MED1: variants seen among roughly 807,000 people sequenced by gnomAD.
The protein encoded by MED1 is mediator of RNA polymerase II transcription subunit 1.
In MED1, 17 loss-of-function variants were observed where a neutral mutation model predicts 121.3. The observed-to-expected ratio is 0.14, with a 90% confidence interval of 0.10 to 0.21. MED1 has a LOEUF of 0.21. MED1 is among the 10% of genes least tolerant of loss of function. MED1 has a pLI of 1.00. For synonymous variants in MED1, 661 were observed against 694.4 expected (o/e 0.95, Z 0.76); for missense variants, 1,558 against 1,919.4 (o/e 0.81, Z 3.52).
intron 6 of MED1, among the ~76,000 whole-genome samples, chr17:39,437,106 A>C (rs2048626799): frequency 2.0e-5 from 3 of 152,188 alleles, no homozygotes; most frequent in Middle Eastern, 6.8e-3. Context: ...CTAATTTTGT[A>C]TTTTTAGTAG....
rs58728643 is a variant in MED1, at chr17:39,415,756, G to A, written c.1298-417C>T. Among the ~76,000 whole-genome samples the A allele has an allele frequency of 0.014, 1,945 of 140,704 alleles. 123 individuals carry two copies. The East Asian group carries it at 0.18, about 13-fold the overall frequency. 92.3% of individuals were successfully genotyped at this position (140,704 alleles called of 152,430 possible). On this transcript the variant is annotated intron_variant, in intron 14 of 16. Coordinates refer to ENST00000300651, the MANE Select transcript of MED1 (RefSeq NM_004774.4). ...CACTTGAACCTAGGAGGCGGAGGTT[G>A]TAGTGAGCTGAGATCGTGCCACTGC... is the stretch of plus-strand genomic sequence containing the variant.
chr17:39,416,778 GA>G lies in MED1; in HGVS notation c.1298-1440del, dbSNP rs1202219158. 2.0e-5 allele frequency among the ~76,000 whole-genome samples: 3 copies of G among 152,198 alleles called. No individual in the cohort carries two copies. In the East Asian group the frequency reaches 5.8e-4, roughly 29 times the overall value. Reference sequence around the variant, plus strand: ...AGGTGGGAGGAATGCCTGAGGCCAGGAGCTCAAGACTATCCTATACAACATG... The same window carrying G: ...AGGTGGGAGGAATGCCTGAGGCCAGGGCTCAAGACTATCCTATACAACATG... On this transcript the variant is annotated intron_variant, in intron 14 of 16. Transcript: ENST00000300651.
At chr17:39,435,740 G>T (rs2048612104) in intron 6 of MED1, among the ~76,000 whole-genome samples, 1 of 151,790 alleles carries the variant, frequency 6.6e-6, no homozygotes, top group South Asian at 2.1e-4. Context: ...CTGTCGTCCA[G>T]GCTGGAGTCC....
chr17:39,434,632 T>G (rs1252993488), intron 6 of MED1, among the ~76,000 whole-genome samples: 1 of 152,190 alleles, frequency 6.6e-6, no homozygotes, highest in Non-Finnish European at 1.5e-5. Context: ...CTGATTTAAA[T>G]CAATCATTAA....
Position 39,410,246 on chromosome 17 carries a change from T to A in MED1, c.1975A>T (p.Thr659Ser). The A allele has an allele frequency of 5.0e-6, 8 of 1,613,900 alleles. No homozygotes were observed. Among genetic ancestry groups the A allele is most frequent in the Non-Finnish European group, 6.8e-6 (8 of 1,179,942 alleles). Residue 659 changes from threonine (T) to serine (S), a missense_variant, in exon 17 of 17, where the codon ACC (threonine) becomes TCC (serine). Thr to Ser is a moderately conservative substitution (Grantham distance 58, BLOSUM62 1). This residue lies in a region of MED1 where 793 missense variants were observed against 898.2 expected (regional missense o/e 0.88). Coordinates refer to ENST00000300651, the MANE Select transcript of MED1 (RefSeq NM_004774.4). ...LKDNPAQDFS[T>S]LYGSSPLERQ... is the part of the protein sequence containing the mutation. Reference sequence around the variant, plus strand: ...TCTAAAGGGCTGCTTCCATAAAGGGTTGAGAAATCCTGGGCAGGATTATCT... The same window carrying A: ...TCTAAAGGGCTGCTTCCATAAAGGGATGAGAAATCCTGGGCAGGATTATCT...
chr17:39,427,958 T>C (rs967299459), intron 9 of MED1, among the ~76,000 whole-genome samples, 168 bp from the exon 10 acceptor site: 4 of 152,186 alleles, frequency 2.6e-5, no homozygotes, highest in African/African-American at 9.6e-5. Context: ...GACTCACACC[T>C]GTAATCCTGG....
Position 39,407,083 on chromosome 17 carries a change from TC to T in MED1, c.*391del, listed in dbSNP as rs2048309242. 1.0e-6 allele frequency: 1 copy of T among 993,794 alleles called. No homozygotes were observed. The highest frequency in any genetic ancestry group is 1.7e-5 in the African/African-American group (1 of 57,408). 61.6% of individuals were successfully genotyped at this position (993,794 alleles called of 1,614,324 possible). A position where few individuals can be genotyped will look rare whatever the true frequency, so the allele number is the denominator to read the frequency against. On this transcript the variant is annotated 3_prime_UTR_variant, in exon 17 of 17. Coordinates refer to ENST00000300651, the MANE Select transcript of MED1 (RefSeq NM_004774.4). ...GCTTTTTCATTTTCTGCCCAGCCCT[TC>T]ATATACATGCACTAAAATGAGTTTA...
At chr17:39,444,878 AAAACAAAC>A (rs896199407) in intron 2 of MED1, among the ~76,000 whole-genome samples, 1 of 152,042 alleles carries the variant, frequency 6.6e-6, no homozygotes, top group African/African-American at 2.4e-5. Context: ...CAAACAAAAC[AAAACAAAC>A]AAACAAACAA....
chr17:39,433,526 A>ACT (rs1297377779), intron 7 of MED1, among the ~76,000 whole-genome samples: 1 of 134,352 alleles, frequency 7.4e-6, no homozygotes, highest in Non-Finnish European at 1.5e-5. Flanking sequence ...TTTTTTTGTT[A>ACT]CTATATATAT....
intron 6 of MED1, among the ~76,000 whole-genome samples, chr17:39,436,399 C>G (rs989746746): frequency 6.7e-6 from 1 of 149,128 alleles, no homozygotes; most frequent in Admixed American, 6.7e-5. Context: ...CTTTTGCACA[C>G]ACACATACAC....
rs2048744553 is a variant in MED1, at chr17:39,448,004, T to C, written c.26-100A>G. The stretch of plus-strand genomic sequence containing the variant: ...TTCCCACACTTCATCACAGTAAGAA[T>C]TCAGTTAAAATATTTTCCAAAATCA... On this transcript the variant is annotated intron_variant, in intron 1 of 16. Transcript: ENST00000300651. The C allele has an allele frequency of 4.0e-6, 3 of 752,186 alleles. No homozygotes were observed. The South Asian group carries it at 5.4e-5, about 13-fold the overall frequency. The allele number at this position is 752,186 out of a possible 1,614,324, so 46.6% of individuals were successfully genotyped here.
intron 2 of MED1, among the ~76,000 whole-genome samples, chr17:39,446,304 G>T (rs1041600096): frequency 4.6e-5 from 7 of 151,250 alleles, no homozygotes; most frequent in Non-Finnish European, 1.0e-4. Context: ...CAAAAAGTTA[G>T]CCGGGAATAG....
chr17:39,415,858 C>T (rs575725664), intron 14 of MED1, among the ~76,000 whole-genome samples: 146 of 148,112 alleles, frequency 9.9e-4, no homozygotes, highest in African/African-American at 3.5e-3. Context: ...GGTGTGGTGG[C>T]GCACACCTGT....
At position 39,409,186 on chromosome 17, in the gene MED1, C is replaced by A; in HGVS notation, c.3035G>T (p.Arg1012Leu). Reference sequence around the variant, plus strand: ...CTTTCCCTCAGTGTCTGCCTTCTTCCGCTTTGGAGGCTTATCTTTGCTTTT... The same window carrying A: ...CTTTCCCTCAGTGTCTGCCTTCTTCAGCTTTGGAGGCTTATCTTTGCTTTT... Reference protein sequence around the residue: ...DGKSKDKPPKRKKADTEGKSP... With the variant: ...DGKSKDKPPKLKKADTEGKSP... Residue 1012 changes from arginine (R) to leucine (L), a missense_variant, in exon 17 of 17, where the codon CGG becomes CTG. Physicochemically the swap from Arg to Leu is moderately radical, Grantham distance 102. Transcript: ENST00000300651. The A allele has an allele frequency of 1.2e-6, 2 of 1,614,112 alleles. No individual in the cohort carries two copies. Among genetic ancestry groups the A allele is most frequent in the Non-Finnish European group, 1.7e-6 (2 of 1,180,020 alleles).
rs186829481 is a variant in MED1, at chr17:39,419,841, G to C, written c.1173C>G (p.Thr391=). 33 of 1,614,098 alleles carry C rather than the reference G, an allele frequency of 2.0e-5. No homozygotes were observed. Among genetic ancestry groups the C allele is most frequent in the Non-Finnish European group, 2.8e-5 (33 of 1,179,988 alleles). The change falls in exon 14 of 17, where the codon ACC becomes ACG. Residue 391 remains threonine, a synonymous_variant. Transcript: ENST00000300651. The part of the protein sequence containing the change: ...PLPDGRSLQG[T]LVSKITFQHP... ...GCTGAAAGGTGATTTTGCTAACAAG[G>C]GTTCCCTGTAGACTTCGGCCATCTG...
intron 2 of MED1, among the ~76,000 whole-genome samples, chr17:39,446,458 A>G (rs2048728528): frequency 6.7e-6 from 1 of 149,468 alleles, no homozygotes; most frequent in African/African-American, 2.5e-5. Flanking sequence ...TCAAAAAAAA[A>G]AAAAAAAAAA....
chr17:39,425,194 T>G (rs1248623812), intron 10 of MED1, among the ~76,000 whole-genome samples: 1 of 151,960 alleles, frequency 6.6e-6, no homozygotes. Flanking sequence ...CCCAGCCTAT[T>G]TATTTATTTT....
chr17:39,443,579 C>G lies in MED1; in HGVS notation c.182G>C (p.Cys61Ser), dbSNP rs1305707799. Residue 61 changes from cysteine (C) to serine (S), a missense_variant, in exon 3 of 17, where the codon TGT (cysteine) becomes TCT (serine). Physicochemically the swap from Cys to Ser is moderately radical, Grantham distance 112. Coordinates refer to ENST00000300651, the MANE Select transcript of MED1 (RefSeq NM_004774.4). Reference protein sequence around the residue: ...SSGGHQHLVSCLETLQKALKV... With the variant: ...SSGGHQHLVSSLETLQKALKV... ...GAGAGCCTTCTGCAATGTCTCCAAA[C>G]AGCTGACCAAATGTTGATGCCCTCC... 9.3e-6 allele frequency: 15 copies of G among 1,613,864 alleles called. No individual in the cohort carries two copies. Among genetic ancestry groups the G allele is most frequent in the Non-Finnish European group, 1.3e-5 (15 of 1,179,936 alleles).
Position 39,407,537 on chromosome 17 carries a change from G to T in MED1, c.4684C>A (p.Pro1562Thr). ...LSADRPSRLS[P>T]DFMIGEEDDD... ...TCTTCCTCCCCAATCATAAAGTCTG[G>T]GCTGAGCCTTGAGGGTCTGTCTGCA... is the stretch of plus-strand genomic sequence containing the variant. The change falls in exon 17 of 17, where the codon CCA becomes ACA. Residue 1562 changes from proline to threonine, a missense_variant. By Grantham distance (38) the Pro-to-Thr change is conservative. This residue lies in a region of MED1 where 264 missense variants were observed against 326.1 expected (regional missense o/e 0.81). Coordinates refer to ENST00000300651, the MANE Select transcript of MED1 (RefSeq NM_004774.4). 2 of 1,614,010 alleles carry T rather than the reference G, an allele frequency of 1.2e-6. No individual in the cohort carries two copies. Among genetic ancestry groups the T allele is most frequent in the Non-Finnish European group, 1.7e-6 (2 of 1,180,008 alleles).
Sources: allele counts gnomAD v4.1 joint callset (sites outside exome capture counted in the v4.1 genomes callset), GRCh38; gene constraint gnomAD v4.1.1; regional missense constraint gnomAD v4.1.1; transcripts MANE v1.5; gene names NCBI Gene and HGNC (gene_info 2026-07-23, HGNC 2026-07-21).